The following CEP126 variants were observed in gnomAD, a reference collection of about 807,000 sequenced individuals.
CEP126 encodes the protein centrosomal protein 126, also known as centrosomal protein of 126 kDa.
A neutral mutation model predicts 107.8 loss-of-function variants in CEP126; 74 were observed. The ratio of observed to expected loss-of-function variants is 0.69; its 90% CI spans 0.57 to 0.83. The LOEUF is 0.83. Ranked by LOEUF, CEP126 falls within the 40% of genes least tolerant of loss-of-function variation. The pLI is 0.00. For missense variants in CEP126, 1,237 were observed against 1,281.9 expected (o/e 0.96, Z 0.53); for synonymous variants, 449 against 446.0 (o/e 1.01, Z -0.08).
chr11:101,918,343 G>A (rs1351441996), intron 1 of CEP126, among the ~76,000 whole-genome samples: 1 of 152,166 alleles, frequency 6.6e-6, no homozygotes, highest in East Asian at 1.9e-4. Context: ...ATCTACTTAA[G>A]AGGCTGAGGC....
chr11:101,951,747 A>C (rs1455030960), intron 4 of CEP126, among the ~76,000 whole-genome samples: 2 of 152,228 alleles, frequency 1.3e-5, no homozygotes, highest in Admixed American at 6.5e-5. Context: ...TAACTTTTTA[A>C]AATTCCCTTT....
chr11:101,998,487 A>T lies in CEP126; in HGVS notation c.*844A>T, dbSNP rs968849792. The stretch of plus-strand genomic sequence containing the variant: ...CTACTTGGGGTGCTGAGGCGGGAGG[A>T]TTACTTGAGCCCAGGAGGATTACTT... On this transcript the variant is annotated 3_prime_UTR_variant, in exon 11 of 11. Transcript: ENST00000263468. 2.7e-5 allele frequency: 4 copies of T among 147,838 alleles called. No individual in the cohort carries two copies. Among genetic ancestry groups the T allele is most frequent in the African/African-American group, 9.9e-5 (4 of 40,252 alleles). The allele number at this position is 147,838 out of a possible 1,614,324, so 9.2% of individuals were successfully genotyped here.
chr11:101,931,800 A>G (rs937570395), intron 2 of CEP126, among the ~76,000 whole-genome samples: 2 of 152,180 alleles, frequency 1.3e-5, no homozygotes, highest in Admixed American at 6.5e-5. Context: ...CCTAGGTTCT[A>G]TTGTTAAACG....
At chr11:101,915,499 G>C (rs1405725024) in intron 1 of CEP126, 87 bp downstream of exon 1, 1 of 1,495,636 alleles carries the variant, frequency 6.7e-7, no homozygotes, top group Non-Finnish European at 9.0e-7. Flanking sequence ...TACCTTTGAC[G>C]CAGGGTGATC....
chr11:101,949,452 A>G (rs1278575947), intron 4 of CEP126, among the ~76,000 whole-genome samples: 1 of 152,216 alleles, frequency 6.6e-6, no homozygotes. Flanking sequence ...CTTAGGCTAA[A>G]GGCATTTGAA....
intron 10 of CEP126, among the ~76,000 whole-genome samples, chr11:101,993,532 A>G (rs1279580554): frequency 1.3e-5 from 2 of 152,284 alleles, no homozygotes; most frequent in Admixed American, 1.3e-4. Flanking sequence ...GCATGTCTTT[A>G]TGATAGAATG....
chr11:101,985,329 C>A (rs1941304112), intron 8 of CEP126, among the ~76,000 whole-genome samples: 1 of 150,832 alleles, frequency 6.6e-6, no homozygotes, highest in Non-Finnish European at 1.5e-5. Flanking sequence ...GTCACCTAGG[C>A]TGAAGTGCAA....
intron 6 of CEP126, among the ~76,000 whole-genome samples, chr11:101,973,068 T>A (rs1211445995): frequency 6.6e-6 from 1 of 152,194 alleles, no homozygotes; most frequent in Non-Finnish European, 1.5e-5. Context: ...CACTGGACAT[T>A]TGGGTTGCTT....
At chr11:101,952,714 T>C (rs1325051019) in intron 4 of CEP126, among the ~76,000 whole-genome samples, 1 of 152,206 alleles carries the variant, frequency 6.6e-6, no homozygotes, top group Admixed American at 6.5e-5. Context: ...GAATGACATG[T>C]TTGAGTTTGA....
Position 101,932,661 on chromosome 11 carries a change from A to G in CEP126, c.248+9901A>G, listed in dbSNP as rs79929168. 3.4e-4 allele frequency among the ~76,000 whole-genome samples: 51 copies of G among 151,910 alleles called. No homozygotes were observed. The East Asian group carries it at 9.7e-3, about 29-fold the overall frequency. On this transcript the variant is annotated intron_variant, in intron 2 of 10. Coordinates refer to ENST00000263468, the MANE Select transcript of CEP126 (RefSeq NM_020802.4). ...TCTGCCTAGAGCACTTTTTTTCCCC[A>G]TTTTTAAAATGATTTGCCCCTGCGT...
intron 2 of CEP126, 41 bp downstream of exon 2, chr11:101,922,801 GT>G (rs748070122): frequency 3.3e-6 from 5 of 1,538,244 alleles, no homozygotes; most frequent in Non-Finnish European, 3.6e-6. Context: ...GAAATTCAAA[GT>G]CAATATAAAG....
chr11:101,963,032 A>C lies in CEP126; in HGVS notation c.1997A>C (p.Gln666Pro). 2.5e-6 allele frequency: 4 copies of C among 1,614,124 alleles called. No individual in the cohort carries two copies. Among genetic ancestry groups the C allele is most frequent in the Non-Finnish European group, 3.4e-6 (4 of 1,179,996 alleles). ...TQQHSQQFHI[Q>P]SGAGSNIISV... ...CAGCATTCTCAACAATTCCACATTC[A>C]AAGTGGTGCTGGAAGCAACATAATT... Residue 666 changes from glutamine (Q) to proline (P), a missense_variant, in exon 6 of 11, where the codon CAA becomes CCA. Gln to Pro is a moderately conservative substitution (Grantham distance 76). Coordinates refer to ENST00000263468, the MANE Select transcript of CEP126 (RefSeq NM_020802.4).
chr11:101,929,240 G>A (rs565785813), intron 2 of CEP126, among the ~76,000 whole-genome samples: 4 of 151,904 alleles, frequency 2.6e-5, no homozygotes, highest in South Asian at 2.1e-4. Flanking sequence ...GTCTTTTTTC[G>A]CTAAGTTTGA....
chr11:101,915,433 C>T (rs1209118214), intron 1 of CEP126, 21 bp downstream of exon 1: 2 of 1,595,666 alleles, frequency 1.3e-6, no homozygotes, highest in Non-Finnish European at 1.7e-6. Context: ...CAGCCTGTGG[C>T]TGCCAGGGTA....
At chr11:101,930,490 A>G (rs577908407) in intron 2 of CEP126, among the ~76,000 whole-genome samples, 1 of 152,256 alleles carries the variant, frequency 6.6e-6, no homozygotes, top group Admixed American at 6.5e-5. Flanking sequence ...TACAGCTCTT[A>G]AAGGTGGTGC....
chr11:101,925,203 T>C (rs1323972162), intron 2 of CEP126, among the ~76,000 whole-genome samples: 4 of 152,234 alleles, frequency 2.6e-5, no homozygotes, highest in Non-Finnish European at 5.9e-5. Flanking sequence ...GTTCTTTGTA[T>C]TCCATTAGTT....
At chr11:101,982,801 T>C (rs1209038088) in intron 8 of CEP126, among the ~76,000 whole-genome samples, 1 of 152,160 alleles carries the variant, frequency 6.6e-6, no homozygotes, top group African/African-American at 2.4e-5. Flanking sequence ...AAATCAAAAA[T>C]GCTCCAAAAT....
At chr11:101,918,418 A>G (rs1940269712) in intron 1 of CEP126, among the ~76,000 whole-genome samples, 1 of 152,216 alleles carries the variant, frequency 6.6e-6, no homozygotes, top group African/African-American at 2.4e-5. Flanking sequence ...ACTGCACTCC[A>G]GCCTAGGCAA....
At chr11:101,994,041 C>G (rs1387627153) in intron 10 of CEP126, among the ~76,000 whole-genome samples, 2 of 152,132 alleles carry the variant, frequency 1.3e-5, no homozygotes, top group African/African-American at 4.8e-5. Context: ...CGAGACCAGC[C>G]TGGCCAACAT....
Sources: allele counts gnomAD v4.1 joint callset (sites outside exome capture counted in the v4.1 genomes callset), GRCh38; gene constraint gnomAD v4.1.1; transcripts MANE v1.5; gene names NCBI Gene and HGNC (gene_info 2026-07-23, HGNC 2026-07-21).